The following PRELID2 variants were observed in gnomAD, a reference collection of about 807,000 sequenced individuals.
PRELID2 encodes PRELI domain-containing protein 2.
A neutral mutation model predicts 28.4 loss-of-function variants in PRELID2; 25 were observed. The ratio of observed to expected loss-of-function variants is 0.88; its 90% CI spans 0.64 to 1.23. The LOEUF is 1.23. PRELID2 is among the 50% of genes most tolerant of loss of function. The pLI is 0.00. For synonymous variants in PRELID2, 76 were observed against 71.6 expected, an observed-to-expected ratio of 1.06 and a Z score of -0.31; for missense variants, 201 against 214.4, an observed-to-expected ratio of 0.94 and a Z score of 0.39.
At chr5:145,545,814 A>G (rs1367734027) in intron 1 of PRELID2, among the ~76,000 whole-genome samples, 2 of 152,140 alleles carry the variant, frequency 1.3e-5, no homozygotes, top group East Asian at 1.9e-4. Context: ...GCATGGGAGG[A>G]ACATAAGCTT....
chr5:145,648,935 C>A (rs918778490), intron 1 of PRELID2, among the ~76,000 whole-genome samples: 3 of 151,898 alleles, frequency 2.0e-5, no homozygotes, highest in Non-Finnish European at 2.9e-5. Flanking sequence ...CTTTATGATG[C>A]TGTGAGAGTG....
chr5:145,587,024 C>T (rs1753162674), intron 1 of PRELID2, among the ~76,000 whole-genome samples: 1 of 152,030 alleles, frequency 6.6e-6, no homozygotes, highest in African/African-American at 2.4e-5. Flanking sequence ...TTGTAAAGGC[C>T]AAATATGCCA....
intron 1 of PRELID2, among the ~76,000 whole-genome samples, chr5:145,638,827 G>C (rs1296650083): frequency 3.3e-5 from 5 of 152,232 alleles, no homozygotes; most frequent in African/African-American, 9.6e-5. Flanking sequence ...CCAAGAAGCA[G>C]AGAAGAAAAA....
At chr5:145,709,597 CAAAAT>C (rs1463135289) in intron 1 of PRELID2, among the ~76,000 whole-genome samples, 1 of 145,638 alleles carries the variant, frequency 6.9e-6, no homozygotes, top group Non-Finnish European at 1.5e-5. Context: ...AAAAAAAAAA[CAAAAT>C]GAAGTGTGTC....
intron 1 of PRELID2, among the ~76,000 whole-genome samples, chr5:145,739,671 G>C (rs1295833124): frequency 6.6e-6 from 1 of 151,862 alleles, no homozygotes; most frequent in African/African-American, 2.4e-5. Flanking sequence ...GAATGTACAA[G>C]AAATATTTAA....
the PRELID2 span, among the ~76,000 whole-genome samples, chr5:145,409,686 G>T: frequency 6.6e-6 from 1 of 151,504 alleles, no homozygotes; most frequent in African/African-American, 2.4e-5. Context: ...GGGCAAGGCG[G>T]GTGGAACACG....
At chr5:145,481,623 C>CAAAAAAAAAAAAAAAAAAAAAAAAAAAA (rs70998021) in intron 1 of PRELID2, among the ~76,000 whole-genome samples, 13 of 41,858 alleles carry the variant, frequency 3.1e-4, no homozygotes, top group African/African-American at 8.3e-4. Flanking sequence ...GCAAGGAAAT[C>CAAAAAAAAAAAAAAAAAAAAAAAAAAAA]AAAAAAAAAA....
At chr5:145,745,654 G>C (rs13172887) in intron 1 of PRELID2, among the ~76,000 whole-genome samples, 122,660 of 151,702 alleles carry the variant, frequency 0.81, 50,325 homozygotes, top group East Asian at 0.96. Context: ...CTGAGGTTTG[G>C]AGTTTGAGAC....
chr5:145,777,062 A>C (rs1758454263), intron 5 of PRELID2, among the ~76,000 whole-genome samples: 1 of 152,220 alleles, frequency 6.6e-6, no homozygotes, highest in Non-Finnish European at 1.5e-5. Flanking sequence ...AGACTGATGC[A>C]AAATTCCCAA....
the PRELID2 span, among the ~76,000 whole-genome samples, chr5:145,320,340 G>A: frequency 6.6e-6 from 1 of 151,092 alleles, no homozygotes; most frequent in Non-Finnish European, 1.5e-5. Flanking sequence ...GCGGGATCTC[G>A]GCTCACTGCA....
the PRELID2 span, among the ~76,000 whole-genome samples, chr5:145,311,633 T>C: frequency 6.6e-6 from 1 of 152,314 alleles, no homozygotes; most frequent in East Asian, 1.9e-4. Context: ...TGAAATTCCC[T>C]AAGCAATAAC....
At chr5:145,577,132 C>A (rs950886865) in intron 1 of PRELID2, among the ~76,000 whole-genome samples, 4 of 152,054 alleles carry the variant, frequency 2.6e-5, no homozygotes, top group African/African-American at 7.2e-5. Context: ...AACTAGCTTG[C>A]AAAGACTGGA....
chr5:145,483,521 G>A (rs1166036929), intron 1 of PRELID2, among the ~76,000 whole-genome samples: 3 of 152,188 alleles, frequency 2.0e-5, no homozygotes, highest in African/African-American at 4.8e-5. Flanking sequence ...ACAGACTCAT[G>A]AGCCTAATAA....
At chr5:145,799,618 A>G (rs540198494) in intron 4 of PRELID2, among the ~76,000 whole-genome samples, 3 of 152,310 alleles carry the variant, frequency 2.0e-5, no homozygotes, top group South Asian at 2.1e-4. Flanking sequence ...AGGAGCCACA[A>G]GTTATCTAAA....
the PRELID2 span, among the ~76,000 whole-genome samples, chr5:145,405,825 C>T: frequency 6.6e-6 from 1 of 151,422 alleles, no homozygotes. Context: ...CCTGACTCAG[C>T]CTCCTGAGTA....
the PRELID2 span, among the ~76,000 whole-genome samples, chr5:145,302,610 G>A: frequency 4.6e-5 from 7 of 151,482 alleles, no homozygotes; most frequent in Non-Finnish European, 8.8e-5. Flanking sequence ...ATTTTAGTAG[G>A]TGTGTTATGC....
chr5:145,479,407 C>A (rs1752135932), intron 1 of PRELID2, among the ~76,000 whole-genome samples: 1 of 152,166 alleles, frequency 6.6e-6, no homozygotes. Flanking sequence ...TGGAACACTC[C>A]TACCTCCTGT....
At chr5:145,539,348 C>T (rs1195728708) in intron 1 of PRELID2, among the ~76,000 whole-genome samples, 1 of 152,018 alleles carries the variant, frequency 6.6e-6, no homozygotes, top group Non-Finnish European at 1.5e-5. Context: ...CAGACACAAC[C>T]AGGGATTTAA....
chr5:145,741,992 T>TATTC (rs1756813810), intron 1 of PRELID2, among the ~76,000 whole-genome samples: 1 of 60,050 alleles, frequency 1.7e-5, no homozygotes, highest in African/African-American at 5.7e-5. Flanking sequence ...ATAATAAATT[T>TATTC]ATTATAAATA....
Sources: gnomAD v4.1 joint callset for allele counts (sites outside exome capture counted in the v4.1 genomes callset) on GRCh38, gnomAD v4.1.1 for gene constraint, MANE v1.5 for transcripts, NCBI Gene and HGNC (gene_info 2026-07-23, HGNC 2026-07-21) for gene names.